RIMS2: variants seen among roughly 807,000 people sequenced by gnomAD.
RIMS2 encodes the protein regulating synaptic membrane exocytosis protein 2.
In RIMS2, 59 loss-of-function variants were observed where a neutral mutation model predicts 174.4. The ratio of observed to expected loss-of-function variants is 0.34; its 90% confidence interval spans 0.27 to 0.42. RIMS2 has a LOEUF of 0.42. Among genes scored for constraint, RIMS2 ranks in the 10% least tolerant of loss-of-function variants. The probability of loss-of-function intolerance (pLI) is 1.00; values close to 1 mark genes in which losing one functional copy is unlikely to be tolerated. For synonymous variants in RIMS2, 606 were observed against 572.5 expected (o/e 1.06, Z -0.84); for missense variants, 1,620 against 1,666.3 (o/e 0.97, Z 0.48).
At chr8:104,167,907 A>C (rs946667355) in intron 19 of RIMS2, among the ~76,000 whole-genome samples, 1 of 152,018 alleles carries the variant, frequency 6.6e-6, no homozygotes, top group African/African-American at 2.4e-5. Flanking sequence ...TTCCAGCACC[A>C]TTTATTGAAT....
chr8:103,514,912 C>CAACAACAAA (rs1828229172), intron 1 of RIMS2, among the ~76,000 whole-genome samples: 1 of 145,198 alleles, frequency 6.9e-6, no homozygotes, highest in Non-Finnish European at 1.5e-5. Context: ...ACAACAACAA[C>CAACAACAAA]AACAACAAAA....
At chr8:104,146,936 C>T (rs1227684379) in intron 19 of RIMS2, among the ~76,000 whole-genome samples, 3 of 151,974 alleles carry the variant, frequency 2.0e-5, no homozygotes, top group Non-Finnish European at 4.4e-5. Flanking sequence ...CTTAAGCAGT[C>T]GTCATGCCTC....
chr8:103,835,077 TGA>T (rs2154481777), intron 3 of RIMS2, among the ~76,000 whole-genome samples: 1 of 149,818 alleles, frequency 6.7e-6, no homozygotes, highest in East Asian at 2.0e-4. Flanking sequence ...TGGCCAAGAC[TGA>T]GTTTTCTTTT....
intron 19 of RIMS2, among the ~76,000 whole-genome samples, chr8:104,126,022 G>C (rs1434530261): frequency 6.6e-6 from 1 of 152,136 alleles, no homozygotes; most frequent in Admixed American, 6.6e-5. Flanking sequence ...GCAAAGTTTA[G>C]TGTTGGCTGA....
intron 19 of RIMS2, among the ~76,000 whole-genome samples, chr8:104,143,024 G>T (rs2098598628): frequency 6.6e-6 from 1 of 152,080 alleles, no homozygotes; most frequent in African/African-American, 2.4e-5. Context: ...CTTAATTAGG[G>T]TTTCTTGACA....
chr8:103,505,884 A>G (rs914165941), intron 1 of RIMS2, among the ~76,000 whole-genome samples: 2 of 152,088 alleles, frequency 1.3e-5, no homozygotes, highest in East Asian at 1.9e-4. Flanking sequence ...TCCCTTTTCT[A>G]TTAGTAATTT....
At chr8:103,534,402 T>G (rs1397946996) in intron 1 of RIMS2, among the ~76,000 whole-genome samples, 2 of 152,344 alleles carry the variant, frequency 1.3e-5, no homozygotes, top group East Asian at 3.9e-4. Flanking sequence ...TTTATTTAAC[T>G]GTGTAATTGA....
intron 1 of RIMS2, among the ~76,000 whole-genome samples, chr8:103,606,009 G>A (rs1316902908): frequency 1.4e-5 from 2 of 145,446 alleles, no homozygotes; most frequent in East Asian, 2.0e-4. Flanking sequence ...CTTCAGTTCT[G>A]CTCTGATTTT....
chr8:103,752,018 C>T (rs2097899828), intron 2 of RIMS2, among the ~76,000 whole-genome samples: 1 of 152,252 alleles, frequency 6.6e-6, no homozygotes, highest in South Asian at 2.1e-4. Flanking sequence ...GACATGAAGT[C>T]CTTGCCCATG....
intron 1 of RIMS2, among the ~76,000 whole-genome samples, chr8:103,535,186 T>G (rs1839206220): frequency 6.6e-6 from 1 of 152,254 alleles, no homozygotes; most frequent in Non-Finnish European, 1.5e-5. Context: ...TGAAATTTTA[T>G]CCTAGTCATG....
intron 1 of RIMS2, among the ~76,000 whole-genome samples, chr8:103,608,441 T>G (rs1395715252): frequency 6.9e-6 from 1 of 144,070 alleles, no homozygotes; most frequent in African/African-American, 2.7e-5. Context: ...ACTGCTGTCT[T>G]TTTGTTTGTC....
At chr8:103,992,360 A>G (rs2094779195) in intron 17 of RIMS2, among the ~76,000 whole-genome samples, 1 of 143,028 alleles carries the variant, frequency 7.0e-6, no homozygotes, top group African/African-American at 2.6e-5. Flanking sequence ...TCCTGACTTC[A>G]GGTGATCCAC....
At chr8:103,603,009 T>C (rs2094836147) in intron 1 of RIMS2, among the ~76,000 whole-genome samples, 1 of 152,150 alleles carries the variant, frequency 6.6e-6, no homozygotes, top group African/African-American at 2.4e-5. Flanking sequence ...TTTATTTTTT[T>C]ATTATACTTT....
At chr8:104,243,876 T>A (rs923156866) in intron 19 of RIMS2, among the ~76,000 whole-genome samples, 4 of 152,150 alleles carry the variant, frequency 2.6e-5, no homozygotes, top group African/African-American at 9.7e-5. Flanking sequence ...TCAACACTCA[T>A]AGCTTTTGTA....
At chr8:104,014,604 C>G in exon 19 of RIMS2, 1 of 1,604,616 alleles carries the variant, frequency 6.2e-7, no homozygotes, top group Non-Finnish European at 8.5e-7. Flanking sequence ...CCAAAGGGAA[C>G]GTTGGATAGA....
At chr8:104,223,842 T>G (rs768521414) in intron 19 of RIMS2, 1 of 1,515,596 alleles carries the variant, frequency 6.6e-7, no homozygotes. Flanking sequence ...GTTTAGAAAG[T>G]CGGTGGCTGG....
exon 4 of RIMS2, chr8:103,886,015 A>T: frequency 6.2e-7 from 1 of 1,613,052 alleles, no homozygotes; most frequent in Non-Finnish European, 8.5e-7. Flanking sequence ...CAAAACGGGA[A>T]AAAATGGAAA....
At chr8:103,635,441 C>T (rs542048092) in intron 1 of RIMS2, among the ~76,000 whole-genome samples, 21 of 152,022 alleles carry the variant, frequency 1.4e-4, no homozygotes, top group African/African-American at 2.9e-4. Flanking sequence ...GAATGGGCAC[C>T]GACATAACAC....
intron 1 of RIMS2, among the ~76,000 whole-genome samples, chr8:103,679,290 G>A (rs1484870966): frequency 6.6e-6 from 1 of 151,862 alleles, no homozygotes; most frequent in Non-Finnish European, 1.5e-5. Flanking sequence ...TTGAACTACA[G>A]AGAACTGCTT....
Sources: allele counts gnomAD v4.1 joint callset (sites outside exome capture counted in the v4.1 genomes callset), GRCh38; gene constraint gnomAD v4.1.1; transcripts MANE v1.5; gene names NCBI Gene and HGNC (gene_info 2026-07-23, HGNC 2026-07-21).